UNC80: variants seen among roughly 807,000 people sequenced by gnomAD.
UNC80 encodes the protein protein unc-80 homolog.
A neutral mutation model predicts 384.6 loss-of-function variants in UNC80; 164 were observed. The ratio of observed to expected loss-of-function variants is 0.43; its 90% CI spans 0.38 to 0.49. UNC80 has a LOEUF of 0.49. Ranked by LOEUF, UNC80 falls within the 20% of genes least tolerant of loss-of-function variation. UNC80 has a pLI of 0.00. For synonymous variants in UNC80, 1,486 were observed against 1,527.8 expected, an observed-to-expected ratio of 0.97 and a Z score of 0.64; for missense variants, 3,330 against 4,143.0, an observed-to-expected ratio of 0.80 and a Z score of 5.39.
chr2:209,964,841 G>T (rs1335326134), intron 51 of UNC80, among the ~76,000 whole-genome samples: 1 of 150,160 alleles, frequency 6.7e-6, no homozygotes, highest in Non-Finnish European at 1.5e-5. Context: ...TATTAAAAGA[G>T]ACTTAAGGAC....
At position 209,931,084 on chromosome 2, in the gene UNC80, G is replaced by A. The variant is rs753517615; in HGVS notation, c.5994+30G>A. 122 of 1,459,244 alleles carry A rather than the reference G, an allele frequency of 8.4e-5. 2 individuals are homozygous for A. In the South Asian group the frequency reaches 1.4e-3, roughly 17 times the overall value. The allele number at this position is 1,459,244 out of a possible 1,614,324, so 90.4% of individuals were successfully genotyped here. A position where few individuals can be genotyped will look rare whatever the true frequency, so the allele number is the denominator to read the frequency against. On this transcript the variant is annotated intron_variant, in intron 38 of 64. Coordinates refer to ENST00000673920, the MANE Select transcript of UNC80 (RefSeq NM_001371986.1). Reference sequence around the variant, plus strand: ...GTTATAAATGTTCATTTCCAATTACGAAGCAGCACCATGATGAAAAGGTCT... The same window carrying A: ...GTTATAAATGTTCATTTCCAATTACAAAGCAGCACCATGATGAAAAGGTCT...
At chr2:209,833,933 C>G (rs1559166348) in intron 16 of UNC80, 69 bp from the exon 17 acceptor site, 6 of 1,483,374 alleles carry the variant, frequency 4.0e-6, no homozygotes, top group South Asian at 1.3e-5. Flanking sequence ...TTCTTCCTCT[C>G]TACCTGGAAA....
At chr2:209,948,667 A>G (rs1200493520) in intron 47 of UNC80, among the ~76,000 whole-genome samples, 1 of 152,186 alleles carries the variant, frequency 6.6e-6, no homozygotes, top group African/African-American at 2.4e-5. Flanking sequence ...TGCACTGGCT[A>G]GAACCTTAAT....
Position 209,866,529 on chromosome 2 carries a change from C to CACACACAT in UNC80, c.3628-6224_3628-6223insCATACACA, listed in dbSNP as rs1553556972. 8.5e-3 allele frequency among the ~76,000 whole-genome samples: 1,069 copies of CACACACAT among 126,418 alleles called. 9 individuals are homozygous for CACACACAT. The highest frequency in any genetic ancestry group is 0.016 in the African/African-American group (431 of 27,342). The allele number at this position is 126,418 out of a possible 152,430, so 82.9% of individuals were successfully genotyped here. Reference sequence around the variant, plus strand: ...ACACACACACACACACACACACACACACACAGAGAGAGAGAGAGAGAGAGA... The same window carrying CACACACAT: ...ACACACACACACACACACACACACACACACACATACACAGAGAGAGAGAGAGAGAGAGA... On this transcript the variant is annotated intron_variant, in intron 22 of 64. Coordinates refer to ENST00000673920, the MANE Select transcript of UNC80 (RefSeq NM_001371986.1).
intron 22 of UNC80, among the ~76,000 whole-genome samples, chr2:209,863,033 T>C (rs1040164546): frequency 7.9e-5 from 12 of 152,218 alleles, no homozygotes; most frequent in Non-Finnish European, 2.9e-5. Context: ...GGCCCGGTGG[T>C]AATGAAATTC....
rs2079861244 is a variant in UNC80, at chr2:209,817,930, T to C, written c.1671T>C (p.His557=). ...ACCTGCCGGACCCCTCCAACAGCCATGGAGAAAACACCGTCAAGGAAGGTG... is the reference window on the plus strand; with the variant it reads ...ACCTGCCGGACCCCTCCAACAGCCACGGAGAAAACACCGTCAAGGAAGGTG... ...VSDLPDPSNS[H]GENTVKEVRS... is the part of the protein sequence containing the mutation. Residue 557 remains histidine (H), a synonymous_variant, in exon 11 of 65, where the codon CAT becomes CAC. Coordinates refer to ENST00000673920, the MANE Select transcript of UNC80 (RefSeq NM_001371986.1). 6.4e-7 allele frequency: 1 copy of C among 1,551,570 alleles called. No individual in the cohort carries two copies. Among genetic ancestry groups the C allele is most frequent in the Non-Finnish European group, 8.7e-7 (1 of 1,146,960 alleles).
At chr2:209,929,159 T>C (rs2090655727) in intron 36 of UNC80, among the ~76,000 whole-genome samples, 1 of 152,220 alleles carries the variant, frequency 6.6e-6, no homozygotes, top group African/African-American at 2.4e-5. Context: ...TGCTAAATTC[T>C]GTATTCCTAC....
chr2:209,914,061 T>G, intron 31 of UNC80, 121 bp downstream of exon 31: 3 of 1,198,312 alleles, frequency 2.5e-6, no homozygotes, highest in Non-Finnish European at 3.4e-6. Flanking sequence ...TGGCAATTGC[T>G]ATAACTGTAG....
At chr2:209,954,013 T>A in intron 47 of UNC80, 87 bp from the exon 48 acceptor site, 15 of 1,389,156 alleles carry the variant, frequency 1.1e-5, no homozygotes, top group Non-Finnish European at 1.4e-5. Context: ...CTCTAGATGC[T>A]TTTCATTGTT....
intron 51 of UNC80, among the ~76,000 whole-genome samples, chr2:209,961,881 A>C (rs534241642): frequency 1.3e-5 from 2 of 152,346 alleles, no homozygotes; most frequent in African/African-American, 4.8e-5. Context: ...TTTACCTGAC[A>C]CAGGAGCCTT....
intron 23 of UNC80, among the ~76,000 whole-genome samples, chr2:209,877,196 TAGATAG>T (rs2084856049): frequency 6.6e-6 from 1 of 152,136 alleles, no homozygotes; most frequent in Non-Finnish European, 1.5e-5. Context: ...TAAAATGAAT[TAGATAG>T]AGATAGTGTT....
At chr2:209,788,087 C>A (rs957263164) in intron 5 of UNC80, among the ~76,000 whole-genome samples, 6 of 152,050 alleles carry the variant, frequency 3.9e-5, no homozygotes, top group African/African-American at 1.2e-4. Flanking sequence ...GAATGCCTGG[C>A]ACATAATGAG....
intron 29 of UNC80, among the ~76,000 whole-genome samples, chr2:209,907,291 C>CAAAAAA (rs35210647): frequency 2.9e-5 from 2 of 68,654 alleles, no homozygotes; most frequent in Non-Finnish European, 5.7e-5. Context: ...CAATAATGGG[C>CAAAAAA]AAAAAAAAAA....
chr2:209,803,103 A>G (rs1039142500), intron 7 of UNC80, among the ~76,000 whole-genome samples: 3 of 152,218 alleles, frequency 2.0e-5, no homozygotes, highest in African/African-American at 7.2e-5. Flanking sequence ...GTGATGTCTC[A>G]TTACCTTTGT....
chr2:209,841,080 GAAGA>G (rs58042534), intron 20 of UNC80, among the ~76,000 whole-genome samples: 26,513 of 151,908 alleles, frequency 0.17, 3,028 homozygotes, highest in African/African-American at 0.32. Flanking sequence ...GTATTGAAAA[GAAGA>G]AAGAATCTCG....
chr2:209,893,821 C>A (rs2086572109), intron 26 of UNC80, among the ~76,000 whole-genome samples: 1 of 152,172 alleles, frequency 6.6e-6, no homozygotes, highest in African/African-American at 2.4e-5. Context: ...AAAGCAAAAA[C>A]AAATGGTTTG....
At position 209,939,749 on chromosome 2, in the gene UNC80, G is replaced by A. The variant is rs200790683; in HGVS notation, c.6646+97G>A. On this transcript the variant is annotated intron_variant, in intron 43 of 64. Coordinates refer to ENST00000673920, the MANE Select transcript of UNC80 (RefSeq NM_001371986.1). ...TTATTATTATACTTTAAGTTTTAGG[G>A]TACATGTGCTCAACGTGCAGGTTTG... 1.8e-3 allele frequency: 2,090 copies of A among 1,166,832 alleles called. 41 individuals carry two copies. The East Asian group carries it at 0.038, about 21-fold the overall frequency. The allele number at this position is 1,166,832 out of a possible 1,614,324, so 72.3% of individuals were successfully genotyped here.
At position 209,992,160 on chromosome 2, in the gene UNC80, T is replaced by C. The variant is rs1279909455; in HGVS notation, c.9315-6T>C. 1 of 1,551,474 alleles carries C rather than the reference T, an allele frequency of 6.4e-7. No homozygotes were observed. Among genetic ancestry groups the C allele is most frequent in the Non-Finnish European group, 8.7e-7 (1 of 1,146,814 alleles). ...GGGGTACACTAACACTGTTGATGCT[T>C]GGCAGGGTGGCAAGTATACAGAGTG... On this transcript the variant is annotated splice_polypyrimidine_tract_variant and splice_region_variant and intron_variant, in intron 61 of 64. Coordinates refer to ENST00000673920, the MANE Select transcript of UNC80 (RefSeq NM_001371986.1).
chr2:209,987,692 T>TA (rs2093317470), intron 61 of UNC80, among the ~76,000 whole-genome samples: 1 of 152,152 alleles, frequency 6.6e-6, no homozygotes, highest in African/African-American at 2.4e-5. Context: ...AAAAAAAGAT[T>TA]ATAATGCTAC....
Sources: gnomAD v4.1 joint callset for allele counts (sites outside exome capture counted in the v4.1 genomes callset) on GRCh38, gnomAD v4.1.1 for gene constraint, MANE v1.5 for transcripts, NCBI Gene and HGNC (gene_info 2026-07-23, HGNC 2026-07-21) for gene names.